The following AGBL1 variants were observed in gnomAD, a reference collection of about 807,000 sequenced individuals.
AGBL1 encodes cytosolic carboxypeptidase 4.
Under a neutral mutation model 118.9 loss-of-function variants are expected in AGBL1, and 130 were observed. The observed-to-expected ratio is 1.09, with a 90% CI of 0.95 to 1.26. The LOEUF (loss-of-function observed/expected upper bound fraction) is 1.26. Among genes scored for constraint, AGBL1 ranks in the 50% most tolerant of loss-of-function variants. The pLI is 0.00. For synonymous variants in AGBL1, 555 were observed against 478.9 expected, an observed-to-expected ratio of 1.16 and a Z score of -2.08; for missense variants, 1,584 against 1,298.1, an observed-to-expected ratio of 1.22 and a Z score of -3.38.
intron 21 of AGBL1, among the ~76,000 whole-genome samples, chr15:86,595,227 T>A (rs542764715): frequency 2.4e-4 from 37 of 152,322 alleles, no homozygotes; most frequent in African/African-American, 8.4e-4. Context: ...CACCTCTATC[T>A]TGTTAATTCC....
At chr15:86,252,770 G>A (rs1273143502) in intron 7 of AGBL1, among the ~76,000 whole-genome samples, 1 of 152,224 alleles carries the variant, frequency 6.6e-6, no homozygotes, top group African/African-American at 2.4e-5. Context: ...TGGAGAGCGA[G>A]TGGGACAACT....
At chr15:86,854,497 G>GC (rs1567208313) in intron 22 of AGBL1, among the ~76,000 whole-genome samples, 1 of 152,170 alleles carries the variant, frequency 6.6e-6, no homozygotes, top group African/African-American at 2.4e-5. Flanking sequence ...GGGGAGTCAA[G>GC]CCAAAGGATT....
chr15:86,495,414 A>G (rs1011432410), intron 18 of AGBL1, among the ~76,000 whole-genome samples: 1 of 148,674 alleles, frequency 6.7e-6, no homozygotes, highest in Non-Finnish European at 1.5e-5. Flanking sequence ...AAAAAACCTT[A>G]TAAAAGAAAT....
At chr15:86,297,540 A>G (rs1223668317) in intron 17 of AGBL1, among the ~76,000 whole-genome samples, 1 of 152,166 alleles carries the variant, frequency 6.6e-6, no homozygotes, top group African/African-American at 2.4e-5. Context: ...CTGGTCCTGG[A>G]TGTGATTTAA....
At chr15:86,273,027 T>C (rs2079186435) in intron 15 of AGBL1, among the ~76,000 whole-genome samples, 1 of 152,232 alleles carries the variant, frequency 6.6e-6, no homozygotes, top group Admixed American at 6.5e-5. Flanking sequence ...AGAATGACTT[T>C]TAGTTTTCTC....
chr15:86,633,109 A>G (rs2085003616), intron 21 of AGBL1, among the ~76,000 whole-genome samples: 2 of 151,974 alleles, frequency 1.3e-5, no homozygotes, highest in Admixed American at 1.3e-4. Context: ...CAGAACAATA[A>G]AGACAAAGAA....
At chr15:86,348,399 A>G (rs2080572804) in intron 17 of AGBL1, among the ~76,000 whole-genome samples, 1 of 152,222 alleles carries the variant, frequency 6.6e-6, no homozygotes, top group South Asian at 2.1e-4. Context: ...TCTGCAGGGC[A>G]CTGCTTCGCA....
intron 21 of AGBL1, among the ~76,000 whole-genome samples, chr15:86,579,492 C>T (rs572498915): frequency 1.1e-4 from 17 of 152,232 alleles, no homozygotes; most frequent in South Asian, 2.1e-4. Context: ...ACTTTCTCCA[C>T]GTAAGTCTCA....
At chr15:86,812,684 CT>C (rs1292504951) in intron 22 of AGBL1, among the ~76,000 whole-genome samples, 2 of 152,102 alleles carry the variant, frequency 1.3e-5, no homozygotes, top group African/African-American at 4.8e-5. Context: ...ACAGATCCCC[CT>C]GCCTTGCCTC....
At chr15:86,304,403 A>G (rs2079804774) in intron 17 of AGBL1, among the ~76,000 whole-genome samples, 1 of 152,216 alleles carries the variant, frequency 6.6e-6, no homozygotes, top group Admixed American at 6.5e-5. Flanking sequence ...TTCCCGGATC[A>G]TGATATCTAA....
intron 15 of AGBL1, among the ~76,000 whole-genome samples, chr15:86,275,932 A>T (rs2079243615): frequency 6.6e-6 from 1 of 152,212 alleles, no homozygotes; most frequent in Non-Finnish European, 1.5e-5. Context: ...TCATCTTAAA[A>T]TGGGATAATA....
At chr15:86,734,283 A>C (rs929348914) in intron 22 of AGBL1, among the ~76,000 whole-genome samples, 1 of 152,178 alleles carries the variant, frequency 6.6e-6, no homozygotes, top group African/African-American at 2.4e-5. Flanking sequence ...TTTCTGTGTA[A>C]TATAACCCTG....
intron 22 of AGBL1, among the ~76,000 whole-genome samples, chr15:86,731,321 C>A (rs2077524912): frequency 6.6e-6 from 1 of 152,184 alleles, no homozygotes; most frequent in East Asian, 1.9e-4. Flanking sequence ...GGGACACAGT[C>A]TGATTCTCTT....
At chr15:86,747,714 T>C (rs1465785224) in intron 22 of AGBL1, among the ~76,000 whole-genome samples, 1 of 152,004 alleles carries the variant, frequency 6.6e-6, no homozygotes, top group Admixed American at 6.6e-5. Context: ...CACCTAGGAG[T>C]GAGAACATGT....
In AGBL1 at chr15:86,508,321, C is replaced by G. The variant is rs111672141; in HGVS notation, c.2556-14489C>G. ...GATCTGGATAGAATTGAAACCAACA[C>G]AAAAGCTTTTCTGTAACAAAACAGT... is the stretch of plus-strand genomic sequence containing the variant. On this transcript the variant is annotated intron_variant, in intron 18 of 22. Coordinates refer to ENST00000614907, the MANE Select transcript of AGBL1 (RefSeq NM_001386094.1). Among the ~76,000 whole-genome samples, 704 of 151,974 alleles carry G rather than the reference C, an allele frequency of 4.6e-3. 5 individuals are homozygous for G. The highest frequency in any genetic ancestry group is 0.016 in the African/African-American group (665 of 41,476).
intron 22 of AGBL1, among the ~76,000 whole-genome samples, chr15:86,852,620 A>C (rs2079423639): frequency 6.6e-6 from 1 of 152,180 alleles, no homozygotes; most frequent in South Asian, 2.1e-4. Flanking sequence ...TCCTTCCTAC[A>C]TTCCTTGAGG....
At chr15:86,251,767 T>C (rs1267874627) in intron 7 of AGBL1, among the ~76,000 whole-genome samples, 8 of 151,898 alleles carry the variant, frequency 5.3e-5, no homozygotes, top group Non-Finnish European at 1.0e-4. Flanking sequence ...TGGAATCTTA[T>C]TGGAGCTTTG....
chr15:86,590,517 C>A (rs1395929201), intron 21 of AGBL1, among the ~76,000 whole-genome samples: 2 of 152,170 alleles, frequency 1.3e-5, no homozygotes, highest in Non-Finnish European at 2.9e-5. Context: ...AACTGTGAGT[C>A]AATGAAACTT....
intron 22 of AGBL1, among the ~76,000 whole-genome samples, chr15:86,713,179 G>A (rs984511019): frequency 6.6e-6 from 1 of 152,090 alleles, no homozygotes; most frequent in Non-Finnish European, 1.5e-5. Flanking sequence ...GAAAGAGAAA[G>A]GGAGGCTAAG....
Sources: allele counts gnomAD v4.1 joint callset (sites outside exome capture counted in the v4.1 genomes callset), GRCh38; gene constraint gnomAD v4.1.1; transcripts MANE v1.5; gene names NCBI Gene and HGNC (gene_info 2026-07-23, HGNC 2026-07-21).